REV3L: variants seen among roughly 807,000 people sequenced by gnomAD.
The protein encoded by REV3L is REV3 like, DNA directed polymerase zeta catalytic subunit.
Under a neutral mutation model 299.4 loss-of-function variants are expected in REV3L, and 69 were observed. The ratio of observed to expected loss-of-function variants is 0.23; its 90% CI spans 0.19 to 0.28. The LOEUF is 0.28. Ranked by LOEUF, REV3L falls within the 10% of genes least tolerant of loss-of-function variation. REV3L has a pLI of 1.00. For synonymous variants in REV3L, 1,238 were observed against 1,271.4 expected, an observed-to-expected ratio of 0.97 and a Z score of 0.56; for missense variants, 3,128 against 3,693.8, an observed-to-expected ratio of 0.85 and a Z score of 3.97.
At chr6:111,310,971 T>G in intron 29 of REV3L, 98 bp downstream of exon 29, 2 of 919,776 alleles carry the variant, frequency 2.2e-6, no homozygotes, top group Non-Finnish European at 3.1e-6. Flanking sequence ...AAAGAAACAA[T>G]TTTGTGTCTG....
chr6:111,376,498 G>C lies in REV3L; in HGVS notation c.1857C>G (p.Asn619Lys). Residue 619 changes from asparagine to lysine, a missense_variant, in exon 13 of 32, where the codon AAC becomes AAG. Asn to Lys is a moderately conservative substitution (Grantham distance 94). Transcript: ENST00000368802. ...GLDNSVTSFT[N>K]ESTYSMKYPG... is the part of the protein sequence containing the mutation. ...GGTATTTCATAGAATAAGTGCTTTC[G>C]TTTGTAAAAGAAGTGACTGAGTTAT... 6.2e-7 allele frequency: 1 copy of C among 1,613,102 alleles called. No individual in the cohort carries two copies. The highest frequency in any genetic ancestry group is 8.5e-7 in the Non-Finnish European group (1 of 1,179,734).
Position 111,483,167 on chromosome 6 carries a change from C to A in REV3L, c.-279G>T. 2.0e-6 allele frequency: 1 copy of A among 489,158 alleles called. No individual in the cohort carries two copies. Among genetic ancestry groups the A allele is most frequent in the Non-Finnish European group, 3.5e-6 (1 of 282,432 alleles). The allele number at this position is 489,158 out of a possible 1,614,324, so 30.3% of individuals were successfully genotyped here. On this transcript the variant is annotated 5_prime_UTR_variant, in exon 1 of 32. Transcript: ENST00000368802. ...ACTGCCGCCACCGCCGGGAATCACA[C>A]GGGCTCCTCGGTCCCAGGCTGCAGC... is the stretch of plus-strand genomic sequence containing the variant.
chr6:111,320,811 G>A (rs1334644186), intron 26 of REV3L, among the ~76,000 whole-genome samples: 3 of 152,034 alleles, frequency 2.0e-5, no homozygotes, highest in African/African-American at 4.8e-5. Flanking sequence ...CACCATGTCC[G>A]GCTAATTTTT....
At chr6:111,470,374 T>C (rs1011133150) in intron 1 of REV3L, among the ~76,000 whole-genome samples, 2 of 152,196 alleles carry the variant, frequency 1.3e-5, no homozygotes, top group African/African-American at 4.8e-5. Flanking sequence ...AATCCTCACA[T>C]GGTATGAGGT....
At position 111,367,399 on chromosome 6, in the gene REV3L, T is replaced by C; in HGVS notation, c.6389A>G (p.Gln2130Arg). ...TGCTTTGGAATCTGGGGATATTGGT[T>C]GTTGCCAAGGGGGAATTACTGGAGA... ...PDSPVIPPWQ[Q>R]PISPDSKALN... Residue 2130 changes from glutamine (Q) to arginine (R), a missense_variant, in exon 14 of 32, where the codon CAA (glutamine) becomes CGA (arginine). Around this residue, in one of 9 missense-constraint regions of REV3L, gnomAD observed 2,409 missense variants for 2,611.8 expected, o/e 0.92. Transcript: ENST00000368802. 1 of 1,611,090 alleles carries C rather than the reference T, an allele frequency of 6.2e-7. No individual in the cohort carries two copies. Among genetic ancestry groups the C allele is most frequent in the Non-Finnish European group, 8.5e-7 (1 of 1,178,790 alleles).
chr6:111,364,101 C>A, intron 15 of REV3L, 123 bp from the exon 16 acceptor site: 2 of 1,290,314 alleles, frequency 1.6e-6, no homozygotes, highest in South Asian at 3.2e-5. Context: ...AAACTAATAT[C>A]ATCTCTAAGT....
At chr6:111,430,192 G>C in intron 1 of REV3L, 1 of 804,722 alleles carries the variant, frequency 1.2e-6, no homozygotes, top group Non-Finnish European at 2.2e-6. Context: ...CCTCTCACAA[G>C]CACTTTAGCC....
rs749717357 is a variant in REV3L at position 111,351,626 on chromosome 6, T to G, written c.7300+50A>C. 1.9e-5 allele frequency: 27 copies of G among 1,400,692 alleles called. No individual in the cohort carries two copies. The South Asian group carries it at 1.9e-4, about 10-fold the overall frequency. The allele number at this position is 1,400,692 out of a possible 1,614,324, so 86.8% of individuals were successfully genotyped here. A position where few individuals can be genotyped will look rare whatever the true frequency, so the allele number is the denominator to read the frequency against. ...CTTTAACATTCTGTCTTTATTTCCT[T>G]TATAATTTGCTCTGTAGTTGAATGA... On this transcript the variant is annotated intron_variant, in intron 19 of 31. Coordinates refer to ENST00000368802, the MANE Select transcript of REV3L (RefSeq NM_001372078.1).
chr6:111,451,618 T>G (rs142239647), intron 1 of REV3L, among the ~76,000 whole-genome samples: 2 of 152,074 alleles, frequency 1.3e-5, no homozygotes, highest in Admixed American at 1.3e-4. Context: ...AAAGCAAATT[T>G]TGGGCCCAAT....
At chr6:111,422,334 T>G (rs1785449204) in intron 1 of REV3L, among the ~76,000 whole-genome samples, 2 of 151,938 alleles carry the variant, frequency 1.3e-5, no homozygotes, top group Non-Finnish European at 2.9e-5. Flanking sequence ...TAGACAGAGT[T>G]GAGCAGTTGC....
intron 31 of REV3L, among the ~76,000 whole-genome samples, 188 bp downstream of exon 31, chr6:111,307,173 A>G (rs1772405903): frequency 6.6e-6 from 1 of 152,224 alleles, no homozygotes; most frequent in Non-Finnish European, 1.5e-5. Context: ...AAAACAAAAA[A>G]TAAATTATAA....
At chr6:111,402,340 C>T (rs1783171875) in intron 4 of REV3L, among the ~76,000 whole-genome samples, 1 of 152,122 alleles carries the variant, frequency 6.6e-6, no homozygotes, top group African/African-American at 2.4e-5. Flanking sequence ...GCATTTGAGG[C>T]CCTACCTTAA....
intron 22 of REV3L, 80 bp downstream of exon 22, chr6:111,335,389 A>G: frequency 6.9e-7 from 1 of 1,449,740 alleles, no homozygotes; most frequent in East Asian, 2.4e-5. Context: ...GAAAGTTTAA[A>G]AAGTCAAATC....
intron 30 of REV3L, chr6:111,307,945 C>T (rs1428005317): frequency 1.8e-5 from 5 of 279,074 alleles, no homozygotes; most frequent in Non-Finnish European, 3.5e-5. Flanking sequence ...AGCTCCCCAC[C>T]CCCCGACAGG....
At chr6:111,413,579 A>C (rs151267442) in intron 2 of REV3L, among the ~76,000 whole-genome samples, 229 of 152,208 alleles carry the variant, frequency 1.5e-3, no homozygotes, top group Admixed American at 2.5e-3. Context: ...TGTAAATGTT[A>C]ATTTGGTAGC....
chr6:111,447,261 T>C (rs1253033985), intron 1 of REV3L, among the ~76,000 whole-genome samples: 1 of 152,210 alleles, frequency 6.6e-6, no homozygotes, highest in Non-Finnish European at 1.5e-5. Context: ...GTGTTCTGAA[T>C]CACCAGTAAA....
intron 20 of REV3L, among the ~76,000 whole-genome samples, chr6:111,347,975 AT>A (rs1777190559): frequency 6.6e-6 from 1 of 151,996 alleles, no homozygotes; most frequent in South Asian, 2.1e-4. Flanking sequence ...GCTAACTCGT[AT>A]TTTTTGGTAG....
At chr6:111,449,500 A>C (rs1789253403) in intron 1 of REV3L, among the ~76,000 whole-genome samples, 2 of 152,238 alleles carry the variant, frequency 1.3e-5, no homozygotes, top group African/African-American at 4.8e-5. Flanking sequence ...CAGAAAAATA[A>C]GTAACTAAAA....
At chr6:111,432,753 T>C (rs1787091481) in intron 1 of REV3L, among the ~76,000 whole-genome samples, 1 of 152,198 alleles carries the variant, frequency 6.6e-6, no homozygotes, top group Admixed American at 6.5e-5. Flanking sequence ...ACACATTCTT[T>C]TCATCAGCAT....
Sources: gnomAD v4.1 joint callset for allele counts (sites outside exome capture counted in the v4.1 genomes callset) on GRCh38, gnomAD v4.1.1 for gene constraint, gnomAD v4.1.1 regional missense constraint, MANE v1.5 for transcripts, NCBI Gene and HGNC (gene_info 2026-07-23, HGNC 2026-07-21) for gene names.